SLCO4A1: variants seen among roughly 807,000 people sequenced by gnomAD.
The protein encoded by SLCO4A1 is colon organic anion transporter.
In SLCO4A1, 51 loss-of-function variants were observed where a neutral mutation model predicts 64.6. The observed-to-expected ratio is 0.79, with a 90% CI of 0.63 to 1.00. The LOEUF is 1.00. Among genes scored for constraint, SLCO4A1 ranks in the 50% least tolerant of loss-of-function variants. SLCO4A1 has a pLI of 0.00. For missense variants in SLCO4A1, 919 were observed against 980.5 expected (o/e 0.94, Z 0.84); for synonymous variants, 471 against 444.9 (o/e 1.06, Z -0.74).
chr20:62,670,732 C>A (rs561203956), intron 11 of SLCO4A1, among the ~76,000 whole-genome samples: 6 of 152,354 alleles, frequency 3.9e-5, no homozygotes, highest in African/African-American at 1.2e-4. Context: ...GCACAGCCAG[C>A]GGGAGCCGTA....
In SLCO4A1 at chr20:62,666,384, C is replaced by T. The variant is rs753917428; in HGVS notation, c.1281C>T (p.Tyr427=). 1 of 1,612,672 alleles carries T rather than the reference C, an allele frequency of 6.2e-7. No homozygotes were observed. Among genetic ancestry groups the T allele is most frequent in the Non-Finnish European group, 8.5e-7 (1 of 1,179,790 alleles). Residue 427 remains tyrosine (Y), a synonymous_variant, in exon 7 of 12, where the codon TAC becomes TAT. Transcript: ENST00000217159. ...TGAATCCCTCCCTCTCCCCAGGGTACCTGGTGGTGCCAGCGGGTGGTGGCG... is the reference window on the plus strand; with the variant it reads ...TGAATCCCTCCCTCTCCCCAGGGTATCTGGTGGTGCCAGCGGGTGGTGGCG... ...SASEAATLFG[Y]LVVPAGGGGT...
At chr20:62,686,483 G>A (rs1041687114), downstream of SLCO4A1, among the ~76,000 whole-genome samples, 6 of 152,302 alleles carry the variant, frequency 3.9e-5, no homozygotes, top group East Asian at 5.8e-4. Flanking sequence ...CGCCAGGAGC[G>A]GGGAAGAGGG....
In SLCO4A1 at chr20:62,685,157, G is replaced by A. The variant is rs376742570; in HGVS notation, n.212-284G>A. 3.3e-5 allele frequency among the ~76,000 whole-genome samples: 5 copies of A among 151,766 alleles called. No homozygotes were observed. Among genetic ancestry groups the A allele is most frequent in the Admixed American group, 6.6e-5 (1 of 15,238 alleles). ...GGTCAGAGCAGGGCACTCAGCTGCC[G>A]AGGAGGGGGGTGGTGGGGAGGCACG... On this transcript the variant is annotated intron_variant and non_coding_transcript_variant, in intron 2 of 2. Transcript: ENST00000466818. This position sits in a 1 kb window ranked among gnomAD's most constrained non-coding sequence, Gnocchi z 4.6.
At position 62,660,512 on chromosome 20, in the gene SLCO4A1, G is replaced by C; in HGVS notation, c.988G>C (p.Gly330Arg). The C allele has an allele frequency of 6.2e-7, 1 of 1,605,566 alleles. No individual in the cohort carries two copies. Among genetic ancestry groups the C allele is most frequent in the Admixed American group, 1.7e-5 (1 of 60,018 alleles). Residue 330 changes from glycine (G) to arginine (R), a missense_variant, in exon 4 of 12, where the codon GGT becomes CGT. Physicochemically the swap from Gly to Arg is moderately radical, Grantham distance 125 (BLOSUM62 -2). Coordinates refer to ENST00000217159, the MANE Select transcript of SLCO4A1 (RefSeq NM_016354.4). ...TTTCTTCACCGCCGTTCCCATCCTT[G>C]GTTACCCTCGGCAGCTGCCAGGTGG... ...AAFFTAVPIL[G>R]YPRQLPGSQR...
downstream of SLCO4A1, among the ~76,000 whole-genome samples, chr20:62,686,271 G>A (rs919801003): frequency 1.3e-5 from 2 of 152,192 alleles, no homozygotes. Context: ...TCCAAGCACC[G>A]GGTGGAAACG....
In SLCO4A1 at chr20:62,661,142, C is replaced by T. The variant is rs143337935; in HGVS notation, c.1088C>T (p.Pro363Leu). The change falls in exon 5 of 12, where the codon CCG (proline) becomes CTG (leucine). Residue 363 changes from proline to leucine, a missense_variant. Pro to Leu is a moderately conservative substitution (Grantham distance 98, BLOSUM62 -3). Transcript: ENST00000217159. The surrounding 1 kb of genome is among the most constrained non-coding windows in gnomAD (Gnocchi z 5.2). ...AGCAGCCGTGGGGAGGCGAGCAACCCGGACTTTGGGAAAACCATCAGAGAC... is the reference window on the plus strand; with the variant it reads ...AGCAGCCGTGGGGAGGCGAGCAACCTGGACTTTGGGAAAACCATCAGAGAC... ...KDSSRGEASN[P>L]DFGKTIRDLP... 33 of 1,612,822 alleles carry T rather than the reference C, an allele frequency of 2.0e-5. No individual in the cohort carries two copies. Among genetic ancestry groups the T allele is most frequent in the East Asian group, 6.7e-5 (3 of 44,812 alleles).
At position 62,668,124 on chromosome 20, in the gene SLCO4A1, T is replaced by C; in HGVS notation, c.1751T>C (p.Ile584Thr). 2 of 1,614,040 alleles carry C rather than the reference T, an allele frequency of 1.2e-6. No individual in the cohort carries two copies. The highest frequency in any genetic ancestry group is 1.7e-6 in the Non-Finnish European group (2 of 1,180,048). ...AGAAAGCCCCTCCTTCTGGTTTTCA[T>C]ATTCGTTGTAATTTTCTTTACATTC... Reference protein sequence around the residue: ...CQRKPLLLVFIFVVIFFTFLS... With the variant: ...CQRKPLLLVFTFVVIFFTFLS... Residue 584 changes from isoleucine to threonine, a missense_variant, in exon 9 of 12, where the codon ATA becomes ACA. Physicochemically the swap from Ile to Thr is moderately conservative, Grantham distance 89. Transcript: ENST00000217159.
At chr20:62,655,592 G>A (rs1983538541) in intron 1 of SLCO4A1, among the ~76,000 whole-genome samples, 1 of 152,172 alleles carries the variant, frequency 6.6e-6, no homozygotes, top group South Asian at 2.1e-4. Context: ...CAGTGGGGCA[G>A]GGGCAGCGCA....
At chr20:62,683,556 C>A (rs1987930037) in intron 2 of SLCO4A1, among the ~76,000 whole-genome samples, 1 of 152,160 alleles carries the variant, frequency 6.6e-6, no homozygotes, top group Non-Finnish European at 1.5e-5. Context: ...ACCACAGGGT[C>A]CCGTACAATA....
chr20:62,672,294 C>T (rs547329148), downstream of SLCO4A1: 73 of 1,103,776 alleles, frequency 6.6e-5, no homozygotes, highest in African/African-American at 1.1e-3. Context: ...TTTAAGCCTG[C>T]GTCCCCGTAC....
At chr20:62,648,549 C>T (rs1358948544) in intron 1 of SLCO4A1, among the ~76,000 whole-genome samples, 1 of 152,208 alleles carries the variant, frequency 6.6e-6, no homozygotes, top group Admixed American at 6.5e-5. Flanking sequence ...AGACCTTGTC[C>T]CTCATTCTGG....
At chr20:62,643,126 A>T (rs1353928190) in intron 1 of SLCO4A1, 1 of 431,014 alleles carries the variant, frequency 2.3e-6, no homozygotes, top group Non-Finnish European at 4.8e-6. Flanking sequence ...CCGGGAGGGG[A>T]GCGCGGGCGG....
At chr20:62,662,890 C>T (rs549063016) in intron 5 of SLCO4A1, 1 of 152,320 alleles carries the variant, frequency 6.6e-6, no homozygotes, top group Non-Finnish European at 1.5e-5. Flanking sequence ...TCTGTCACCC[C>T]ACATGCCAGA....
chr20:62,687,839 T>A (rs1184217051), downstream of SLCO4A1, among the ~76,000 whole-genome samples: 3 of 152,090 alleles, frequency 2.0e-5, no homozygotes, highest in African/African-American at 7.2e-5. Context: ...TGGCCCAACC[T>A]GCCTTCCGAG....
In SLCO4A1 at chr20:62,645,961, T is replaced by C. The variant is rs2147055149; in HGVS notation, c.-97+3408T>C. 6.6e-6 allele frequency among the ~76,000 whole-genome samples: 1 copy of C among 152,186 alleles called. No homozygotes were observed. The highest frequency in any genetic ancestry group is 3.4e-3 in the Middle Eastern group (1 of 294). ...CCAGGCTCACTTGGGGCCCTTGCAT[T>C]TGCCACTGGACTCTGCCTTTCGGGA... is the stretch of plus-strand genomic sequence containing the variant. On this transcript the variant is annotated intron_variant, in intron 1 of 11. Coordinates refer to ENST00000217159, the MANE Select transcript of SLCO4A1 (RefSeq NM_016354.4). This position sits in a 1 kb window ranked among gnomAD's most constrained non-coding sequence, Gnocchi z 4.2.
intron 11 of SLCO4A1, among the ~76,000 whole-genome samples, chr20:62,671,465 G>T (rs1173953036): frequency 1.3e-5 from 2 of 152,298 alleles, no homozygotes; most frequent in Non-Finnish European, 2.9e-5. Context: ...TCCAAAAAAG[G>T]TCCCATTCAC....
Position 62,657,018 on chromosome 20 carries a change from G to T in SLCO4A1, c.564G>T (p.Ala188=). 6.3e-7 allele frequency: 1 copy of T among 1,583,706 alleles called. No homozygotes were observed. ...LLMGTGSLVF[A]LPHFTAGRYE... ...TGGGCACGGGGTCGCTGGTGTTCGC[G>T]CTGCCCCACTTCACGGCTGGCCGCT... The change falls in exon 2 of 12, where the codon GCG becomes GCT. Residue 188 remains alanine (A), a synonymous_variant. Transcript: ENST00000217159.
Position 62,644,389 on chromosome 20 carries a change from T to C in SLCO4A1, c.-97+1836T>C, listed in dbSNP as rs1391926258. ...GAGTGGCCGTGACCTAATCTGTAGC[T>C]CACTGGGTGTGGCCCCTAAAGCAGG... On this transcript the variant is annotated intron_variant, in intron 1 of 11. Coordinates refer to ENST00000217159, the MANE Select transcript of SLCO4A1 (RefSeq NM_016354.4). This position sits in a 1 kb window ranked among gnomAD's most constrained non-coding sequence, Gnocchi z 5.4. 6.6e-6 allele frequency among the ~76,000 whole-genome samples: 1 copy of C among 152,238 alleles called. No homozygotes were observed. The highest frequency in any genetic ancestry group is 1.5e-5 in the Non-Finnish European group (1 of 68,038).
At chr20:62,667,628 T>G in intron 7 of SLCO4A1, 117 bp from the exon 8 acceptor site, 1 of 1,280,424 alleles carries the variant, frequency 7.8e-7, no homozygotes, top group Non-Finnish European at 1.1e-6. Context: ...GCTTGGCAAG[T>G]TTGTAGACCC....
Sources: gnomAD v4.1 joint callset for allele counts (sites outside exome capture counted in the v4.1 genomes callset) on GRCh38, gnomAD v4.1.1 for gene constraint, Gnocchi (gnomAD v3.1) non-coding constraint, MANE v1.5 for transcripts, NCBI Gene and HGNC (gene_info 2026-07-23, HGNC 2026-07-21) for gene names.